STAG2: variants seen among roughly 807,000 people sequenced by gnomAD.
STAG2 encodes the protein cohesin subunit SA-2.
Under a neutral mutation model 108.1 loss-of-function variants are expected in STAG2, and 14 were observed. That is an observed-to-expected ratio of 0.13 (90% CI 0.09 to 0.20). STAG2 has a LOEUF of 0.20. STAG2 is among the 10% of genes least tolerant of loss of function. STAG2 has a pLI of 1.00. For synonymous variants in STAG2, 307 were observed against 302.7 expected, an observed-to-expected ratio of 1.01 and a Z score of -0.15; for missense variants, 440 against 940.9, an observed-to-expected ratio of 0.47 and a Z score of 6.96.
intron 4 of STAG2, among the ~76,000 whole-genome samples, chrX:124,030,352 G>T (rs182893695): frequency 8.9e-6 from 1 of 111,773 alleles, no homozygotes; most frequent in East Asian, 2.8e-4. Flanking sequence ...TTCAAACTTT[G>T]TTGATATTTT....
At chrX:124,015,642 G>A (rs1002057328) in intron 1 of STAG2, among the ~76,000 whole-genome samples, 19 of 111,522 alleles carry the variant, frequency 1.7e-4, no homozygotes, top group African/African-American at 4.9e-4. Context: ...CAAAGTGCTG[G>A]GATTACAGGT....
intron 1 of STAG2, among the ~76,000 whole-genome samples, chrX:123,978,019 T>G (rs1174290677): frequency 9.2e-6 from 1 of 108,320 alleles, no homozygotes; most frequent in Non-Finnish European, 1.9e-5. Context: ...ATTTTCATAT[T>G]TTTTGCAGAG....
Position 124,101,399 on chromosome X carries a change from G to A in STAG2, c.*802G>A, listed in dbSNP as rs911732708. 6 of 154,596 alleles carry A rather than the reference G, an allele frequency of 3.9e-5. No individual in the cohort carries two copies. The highest frequency in any genetic ancestry group is 6.3e-5 in the Non-Finnish European group (5 of 79,412). The allele number at this position is 154,596 out of a possible 1,213,427, so 12.7% of individuals were successfully genotyped here. A position where few individuals can be genotyped will look rare whatever the true frequency, so the allele number is the denominator to read the frequency against. The stretch of plus-strand genomic sequence containing the variant: ...TGTCTCCAAATAAAAGAAGCTTATT[G>A]TAGTATGTTTGCAGAAAAATTCTAA... On this transcript the variant is annotated 3_prime_UTR_variant, in exon 35 of 35. Coordinates refer to ENST00000371145, the MANE Select transcript of STAG2 (RefSeq NM_001042750.2).
intron 1 of STAG2, among the ~76,000 whole-genome samples, chrX:123,986,496 C>T (rs1390635093): frequency 1.8e-5 from 2 of 111,368 alleles, no homozygotes; most frequent in African/African-American, 6.5e-5. Context: ...TTTGAGGCAG[C>T]TTGGGATGGT....
At chrX:124,061,456 C>T (rs1355684812) in intron 16 of STAG2, 115 bp downstream of exon 16, 9 of 531,710 alleles carry the variant, frequency 1.7e-5, no homozygotes, top group African/African-American at 9.4e-5. Flanking sequence ...AATCTTACTT[C>T]GTGCATAGTT....
At chrX:124,050,071 A>G in intron 10 of STAG2, 115 bp from the exon 11 acceptor site, 1 of 879,622 alleles carries the variant, frequency 1.1e-6, no homozygotes, top group Admixed American at 3.3e-5. Flanking sequence ...ATCCCTAGTA[A>G]TAAGATAATG....
Position 124,083,476 on chromosome X carries a change from C to T in STAG2, c.2980C>T (p.Pro994Ser), listed in dbSNP as rs2148445928. ...TAATCCGCAAGGGGAGAGCCATCCA[C>T]CTTTAAATTTGGCATTTCTTGATAT... Reference protein sequence around the residue: ...EPNPQGESHPPLNLAFLDILS... With the variant: ...EPNPQGESHPSLNLAFLDILS... Residue 994 changes from proline to serine, a missense_variant, in exon 29 of 35, where the codon CCT (proline) becomes TCT (serine). Coordinates refer to ENST00000371145, the MANE Select transcript of STAG2 (RefSeq NM_001042750.2). The T allele has an allele frequency of 8.3e-7, 1 of 1,199,062 alleles. No homozygotes were observed. The highest frequency in any genetic ancestry group is 1.1e-6 in the Non-Finnish European group (1 of 887,690).
chrX:123,999,803 C>T (rs1294733542), intron 1 of STAG2, among the ~76,000 whole-genome samples: 5 of 110,376 alleles, frequency 4.5e-5, no homozygotes, highest in Admixed American at 9.7e-5. Flanking sequence ...TTTGTGTAGC[C>T]GGGGTTTCTG....
intron 29 of STAG2, among the ~76,000 whole-genome samples, chrX:124,086,132 G>A (rs1047236513): frequency 2.7e-5 from 2 of 74,713 alleles, no homozygotes; most frequent in Non-Finnish European, 5.2e-5. Flanking sequence ...TCATAGAATT[G>A]TAAGAATAGT....
intron 4 of STAG2, among the ~76,000 whole-genome samples, chrX:124,030,026 A>G (rs1311404025): frequency 9.1e-6 from 1 of 110,293 alleles, no homozygotes; most frequent in African/African-American, 3.3e-5. Flanking sequence ...CATAGTTTTC[A>G]TTAATTGAAT....
chrX:124,059,796 G>A (rs2058326861), intron 15 of STAG2, among the ~76,000 whole-genome samples: 1 of 110,739 alleles, frequency 9.0e-6, no homozygotes, highest in African/African-American at 3.3e-5. Context: ...TAGTAGCTCC[G>A]ACTACAACTT....
chrX:124,022,187 A>G lies in STAG2; in HGVS notation c.-97-344A>G, dbSNP rs753795600. Among the ~76,000 whole-genome samples, 3 of 110,297 alleles carry G rather than the reference A, an allele frequency of 2.7e-5. No individual in the cohort carries two copies. In the East Asian group the frequency reaches 8.6e-4, roughly 32 times the overall value. On this transcript the variant is annotated intron_variant, in intron 2 of 34. Transcript: ENST00000371145. Reference sequence around the variant, plus strand: ...GGAGTTCGAGACCAGCCTGGCCAACATGGCAAAACCCCATCTCTACTAAAA... The same window carrying G: ...GGAGTTCGAGACCAGCCTGGCCAACGTGGCAAAACCCCATCTCTACTAAAA...
At chrX:124,071,438 C>T (rs1171751566) in intron 25 of STAG2, 115 bp downstream of exon 25, 4 of 570,990 alleles carry the variant, frequency 7.0e-6, no homozygotes, top group Non-Finnish European at 1.0e-5. Context: ...ACGTGAAACA[C>T]AGGTATATAT....
Position 124,079,300 on chromosome X carries a change from G to A in STAG2, c.2775+1242G>A, listed in dbSNP as rs373283681. ...ACTACAGGCACCCGCCACCACACCC[G>A]GCTAATTTTTTTGTATTTTTAGTAG... On this transcript the variant is annotated intron_variant, in intron 27 of 34. Coordinates refer to ENST00000371145, the MANE Select transcript of STAG2 (RefSeq NM_001042750.2). Among the ~76,000 whole-genome samples the A allele has an allele frequency of 1.2e-4, 13 of 109,217 alleles. No individual in the cohort carries two copies. The East Asian group carries it at 1.8e-3, about 15-fold the overall frequency. The allele number at this position is 109,217 out of a possible 115,157, so 94.8% of individuals were successfully genotyped here.
At chrX:123,974,531 G>T (rs1179286052) in intron 1 of STAG2, among the ~76,000 whole-genome samples, 1 of 100,994 alleles carries the variant, frequency 9.9e-6, no homozygotes, top group Non-Finnish European at 2.0e-5. Flanking sequence ...CTGGCCCCAT[G>T]ATCATCTTAT....
chrX:124,072,904 C>CTTTTTTTTTTTTTTTTTT (rs779996801), intron 25 of STAG2, among the ~76,000 whole-genome samples: 2 of 72,695 alleles, frequency 2.8e-5, no homozygotes, highest in Non-Finnish European at 5.1e-5. Context: ...TTCTTTCTTT[C>CTTTTTTTTTTTTTTTTTT]TTTTTTTTTT....
chrX:124,099,890 A>G (rs984427886), intron 34 of STAG2, among the ~76,000 whole-genome samples: 1 of 111,805 alleles, frequency 8.9e-6, no homozygotes, highest in Non-Finnish European at 1.9e-5. Context: ...GAGTTGCTCC[A>G]TTCATCATCT....
At chrX:124,053,983 A>G (rs750447032) in intron 13 of STAG2, among the ~76,000 whole-genome samples, 5 of 112,583 alleles carry the variant, frequency 4.4e-5, no homozygotes, top group Non-Finnish European at 9.4e-5. Flanking sequence ...AAACATATAT[A>G]TTAAAGTGAG....
rs2059495999 is a variant in STAG2 at position 124,100,891 on chromosome X, A to C, written c.*294A>C. 1.4e-5 allele frequency: 3 copies of C among 215,752 alleles called. No homozygotes were observed. Among genetic ancestry groups the C allele is most frequent in the Non-Finnish European group, 2.5e-5 (3 of 120,846 alleles). 17.8% of individuals were successfully genotyped at this position (215,752 alleles called of 1,213,427 possible). ...TATTTCATGCTTTTTTTTAAAAAAA[A>C]AAAAAAACAAAATAACAATCTGAAG... On this transcript the variant is annotated 3_prime_UTR_variant, in exon 35 of 35. Coordinates refer to ENST00000371145, the MANE Select transcript of STAG2 (RefSeq NM_001042750.2).
Sources: allele counts gnomAD v4.1 joint callset (sites outside exome capture counted in the v4.1 genomes callset), GRCh38; gene constraint gnomAD v4.1.1; transcripts MANE v1.5; gene names NCBI Gene and HGNC (gene_info 2026-07-23, HGNC 2026-07-21).